The following ARHGEF12 variants were observed in gnomAD, a reference collection of about 807,000 sequenced individuals.
The protein encoded by ARHGEF12 is KMT2A/ARHGEF12 fusion protein.
Under a neutral mutation model 211.2 loss-of-function variants are expected in ARHGEF12, and 66 were observed. That is an observed-to-expected ratio of 0.31 (90% CI 0.26 to 0.38). ARHGEF12 has a LOEUF of 0.38. Among genes scored for constraint, ARHGEF12 ranks in the 10% least tolerant of loss-of-function variants. The pLI, the probability that ARHGEF12 is intolerant of heterozygous loss-of-function variation, is 1.00. For missense variants in ARHGEF12, 1,429 were observed against 1,869.5 expected, an observed-to-expected ratio of 0.76 and a Z score of 4.34; for synonymous variants, 592 against 638.4, an observed-to-expected ratio of 0.93 and a Z score of 1.09.
chr11:120,382,878 C>T (rs565806322), intron 1 of ARHGEF12, among the ~76,000 whole-genome samples: 5 of 152,188 alleles, frequency 3.3e-5, no homozygotes, highest in Non-Finnish European at 5.9e-5. Flanking sequence ...AGGCGGTTCA[C>T]GCCTGTAATC....
chr11:120,431,965 C>T, intron 11 of ARHGEF12, 54 bp downstream of exon 11: 1 of 1,465,008 alleles, frequency 6.8e-7, no homozygotes, highest in Non-Finnish European at 9.1e-7. Context: ...TTTACAGCCC[C>T]TTTCTAGATT....
At chr11:120,361,204 A>G (rs900222339) in intron 1 of ARHGEF12, among the ~76,000 whole-genome samples, 14 of 152,236 alleles carry the variant, frequency 9.2e-5, no homozygotes, top group African/African-American at 3.4e-4. Context: ...GCTGCACAGC[A>G]GGAGGTGAGC....
chr11:120,432,021 A>C, intron 11 of ARHGEF12, 110 bp downstream of exon 11: 1 of 1,011,106 alleles, frequency 9.9e-7, no homozygotes, highest in Admixed American at 3.6e-5. Context: ...ACTTTTTACC[A>C]TCCCCATTTT....
intron 2 of ARHGEF12, 68 bp from the exon 3 acceptor site, chr11:120,407,670 A>T: frequency 1.6e-6 from 2 of 1,221,544 alleles, no homozygotes; most frequent in African/African-American, 1.5e-5. Context: ...ATCCACTTTT[A>T]GAATTTTAAA....
Position 120,386,205 on chromosome 11 carries a change from C to G in ARHGEF12, c.33-19913C>G, listed in dbSNP as rs113770034. Among the ~76,000 whole-genome samples the G allele has an allele frequency of 2.9e-3, 448 of 152,216 alleles. 1 individual carries two copies. The highest frequency in any genetic ancestry group is 5.0e-3 in the Non-Finnish European group (338 of 67,980). On this transcript the variant is annotated intron_variant, in intron 1 of 40. Transcript: ENST00000397843. Reference sequence around the variant, plus strand: ...TGGCACTGGAATTGCATTCTGCTTTCTTTTTCTTTCCAATTATAGCTGTAA... The same window carrying G: ...TGGCACTGGAATTGCATTCTGCTTTGTTTTTCTTTCCAATTATAGCTGTAA...
intron 29 of ARHGEF12, among the ~76,000 whole-genome samples, chr11:120,469,043 G>A (rs1448742715): frequency 1.3e-5 from 2 of 152,000 alleles, no homozygotes; most frequent in South Asian, 2.1e-4. Context: ...CTTGGATTTC[G>A]GGTTCTGTAC....
At chr11:120,411,365 C>T (rs569972961) in intron 4 of ARHGEF12, 1 of 152,044 alleles carries the variant, frequency 6.6e-6, no homozygotes. Flanking sequence ...GTACAGTTAG[C>T]ATAGATGAAA....
At chr11:120,388,958 G>A (rs1331233900) in intron 1 of ARHGEF12, among the ~76,000 whole-genome samples, 2 of 152,042 alleles carry the variant, frequency 1.3e-5, no homozygotes, top group Non-Finnish European at 2.9e-5. Flanking sequence ...CTCCTCCTGA[G>A]TTCAAGCGAT....
chr11:120,381,412 A>G (rs990517505), intron 1 of ARHGEF12, among the ~76,000 whole-genome samples: 1 of 152,192 alleles, frequency 6.6e-6, no homozygotes, highest in Admixed American at 6.5e-5. Flanking sequence ...CTATGTACAC[A>G]TGAAAAGCAA....
At chr11:120,456,441 A>C (rs564346636) in intron 22 of ARHGEF12, among the ~76,000 whole-genome samples, 3 of 152,324 alleles carry the variant, frequency 2.0e-5, no homozygotes, top group African/African-American at 7.2e-5. Flanking sequence ...AAATGGTAGA[A>C]AAGTGAAAGT....
At chr11:120,389,664 A>C (rs530329050) in intron 1 of ARHGEF12, among the ~76,000 whole-genome samples, 1 of 152,168 alleles carries the variant, frequency 6.6e-6, no homozygotes, top group Non-Finnish European at 1.5e-5. Context: ...ATTTTTTACT[A>C]TAATCACCCT....
chr11:120,444,776 ATAT>A (rs958912970), intron 15 of ARHGEF12, among the ~76,000 whole-genome samples: 2 of 152,146 alleles, frequency 1.3e-5, no homozygotes, highest in African/African-American at 4.8e-5. Context: ...TATTATGCAA[ATAT>A]TATGGGGAAA....
chr11:120,421,794 C>A lies in ARHGEF12; in HGVS notation c.299-9C>A, dbSNP rs779550539. The A allele has an allele frequency of 2.9e-5, 46 of 1,609,252 alleles. No individual in the cohort carries two copies. The highest frequency in any genetic ancestry group is 3.5e-5 in the Non-Finnish European group (41 of 1,177,714). On this transcript the variant is annotated splice_polypyrimidine_tract_variant and intron_variant, in intron 5 of 40. Coordinates refer to ENST00000397843, the MANE Select transcript of ARHGEF12 (RefSeq NM_015313.3). ...GAATCACATTTTAAGCAATTAATTT[C>A]TCATACAGATGGAGCAGCCATGCGG...
At position 120,458,243 on chromosome 11, in the gene ARHGEF12, A is replaced by C; in HGVS notation, c.2380+9A>C. 1 of 1,613,256 alleles carries C rather than the reference A, an allele frequency of 6.2e-7. No individual in the cohort carries two copies. Among genetic ancestry groups the C allele is most frequent in the African/African-American group, 1.3e-5 (1 of 74,998 alleles). ...ACAGGAAGTGATTAATGGTGAGTGT[A>C]ATCAATTTGTTGTTGTTGTTTACAA... On this transcript the variant is annotated intron_variant, in intron 25 of 40. Transcript: ENST00000397843.
intron 2 of ARHGEF12, among the ~76,000 whole-genome samples, 167 bp from the exon 3 acceptor site, chr11:120,407,571 G>T (rs1944746591): frequency 6.6e-6 from 1 of 151,744 alleles, no homozygotes; most frequent in South Asian, 2.1e-4. Flanking sequence ...TAAATAGACT[G>T]TGTATAACCA....
At chr11:120,473,757 A>G (rs1366291597) in intron 31 of ARHGEF12, among the ~76,000 whole-genome samples, 1 of 152,248 alleles carries the variant, frequency 6.6e-6, no homozygotes, top group Non-Finnish European at 1.5e-5. Flanking sequence ...ATTTAATAAC[A>G]CAAGATAGCA....
chr11:120,339,973 C>T (rs1170372630), intron 1 of ARHGEF12, among the ~76,000 whole-genome samples: 1 of 152,162 alleles, frequency 6.6e-6, no homozygotes, highest in Non-Finnish European at 1.5e-5. Context: ...AGACTTTAAA[C>T]TCAAACTATG....
rs7116005 is a variant in ARHGEF12 at position 120,468,329 on chromosome 11, T to C, written c.2855-959T>C. Among the ~76,000 whole-genome samples the C allele has an allele frequency of 7.1e-3, 1,079 of 152,388 alleles. 17 individuals are homozygous for C. The highest frequency in any genetic ancestry group is 0.024 in the African/African-American group (1,016 of 41,594). ...ACATATTAATTTTTACACTTTAATA[T>C]ATCTGCTCAGTGTAGTTAGACTGTG... On this transcript the variant is annotated intron_variant, in intron 29 of 40. Transcript: ENST00000397843.
chr11:120,442,238 A>G (rs374396435), intron 15 of ARHGEF12, 36 bp downstream of exon 15: 2 of 1,505,692 alleles, frequency 1.3e-6, no homozygotes, highest in Non-Finnish European at 1.8e-6. Flanking sequence ...TCTTTGCCTT[A>G]GTACATGGAA....
Sources: allele counts gnomAD v4.1 joint callset (sites outside exome capture counted in the v4.1 genomes callset), GRCh38; gene constraint gnomAD v4.1.1; transcripts MANE v1.5; gene names NCBI Gene and HGNC (gene_info 2026-07-23, HGNC 2026-07-21).